Variants in PPIL4 observed in about 807,000 individuals in gnomAD.
PPIL4 encodes peptidylprolyl isomerase like 4, also known as peptidyl-prolyl cis-trans isomerase-like 4.
PPIL4 carries 50 observed loss-of-function variants against 69.1 expected under a neutral mutation model. The ratio of observed to expected loss-of-function variants is 0.72; its 90% CI spans 0.58 to 0.92. The LOEUF (loss-of-function observed/expected upper bound fraction) is 0.92. Among genes scored for constraint, PPIL4 ranks in the 40% least tolerant of loss-of-function variants. The pLI, the probability that PPIL4 is intolerant of heterozygous loss-of-function variation, is 0.00. For missense variants in PPIL4, 480 were observed against 587.9 expected (o/e 0.82, Z 1.90); for synonymous variants, 193 against 191.6 (o/e 1.01, Z -0.06).
At chr6:149,532,097 G>A (rs1386340066) in intron 7 of PPIL4, among the ~76,000 whole-genome samples, 1 of 152,134 alleles carries the variant, frequency 6.6e-6, no homozygotes, top group African/African-American at 2.4e-5. Context: ...GAGGTAAAGG[G>A]AAATAACAGG....
Position 149,544,639 on chromosome 6 carries a change from A to G in PPIL4, c.70+1297T>C. On this transcript the variant is annotated intron_variant, in intron 1 of 12. Transcript: ENST00000253329. ...AGGTAACTCTGCTTAGAAAGGAGGG[A>G]GAGCTTCAAAGAAGAGATGATGCTT... Among the ~76,000 whole-genome samples, 2 of 152,224 alleles carry G rather than the reference A, an allele frequency of 1.3e-5. 1 individual carries two copies. Among genetic ancestry groups the G allele is most frequent in the Non-Finnish European group, 2.9e-5 (2 of 68,032 alleles).
chr6:149,522,942 C>T (rs890832919), intron 9 of PPIL4, among the ~76,000 whole-genome samples: 2 of 152,070 alleles, frequency 1.3e-5, no homozygotes, highest in African/African-American at 2.4e-5. Flanking sequence ...GGTGCTGTCA[C>T]GTGGCAATCC....
At chr6:149,528,344 G>A (rs905408816) in intron 7 of PPIL4, among the ~76,000 whole-genome samples, 12 of 152,060 alleles carry the variant, frequency 7.9e-5, no homozygotes, top group African/African-American at 2.7e-4. Flanking sequence ...AAGCACAAAC[G>A]AGAAAAAAAG....
In PPIL4 at chr6:149,527,636, TCTCC is replaced by T. The variant is rs1777127318; in HGVS notation, c.679-864_679-861del. ...AGAACTAAAATGTCACCTATCCCATTCTCCCTGTGCCTCCTCATCAGAGACAACA... is the reference window on the plus strand; with the variant it reads ...AGAACTAAAATGTCACCTATCCCATTCTGTGCCTCCTCATCAGAGACAACA... On this transcript the variant is annotated intron_variant, in intron 7 of 12. Transcript: ENST00000253329. Among the ~76,000 whole-genome samples, 3 of 152,354 alleles carry T rather than the reference TCTCC, an allele frequency of 2.0e-5. No homozygotes were observed. The South Asian group carries it at 6.2e-4, about 32-fold the overall frequency.
At position 149,541,521 on chromosome 6, in the gene PPIL4, G is replaced by T; in HGVS notation, c.136C>A (p.Gln46Lys). The T allele has an allele frequency of 6.4e-7, 1 of 1,569,060 alleles. No individual in the cohort carries two copies. The highest frequency in any genetic ancestry group is 8.8e-7 in the Non-Finnish European group (1 of 1,139,982). Residue 46 changes from glutamine to lysine, a missense_variant and splice_region_variant, in exon 2 of 13, where the codon CAG (glutamine) becomes AAG (lysine). By Grantham distance (53) the Gln-to-Lys change is moderately conservative. Transcript: ENST00000253329. ...ATGACTAATATCTACCAACTCACCT[G>T]TACATTGTGAATAAGGCAATAATTG... ...YYNYCLIHNV[Q>K]RDFIIQTGDP...
intron 12 of PPIL4, among the ~76,000 whole-genome samples, chr6:149,506,850 G>A (rs910781498): frequency 1.3e-5 from 2 of 151,986 alleles, no homozygotes; most frequent in Admixed American, 6.6e-5. Flanking sequence ...CTCCCACCTC[G>A]GCCTCCCAAA....
At chr6:149,526,809 T>C (rs184504283) in intron 7 of PPIL4, 33 bp from the exon 8 acceptor site, 1 of 1,602,098 alleles carries the variant, frequency 6.2e-7, no homozygotes, top group Admixed American at 1.7e-5. Flanking sequence ...CATAAATCAA[T>C]TCCTATTTAG....
intron 10 of PPIL4, among the ~76,000 whole-genome samples, chr6:149,520,237 G>T (rs1183235047): frequency 6.6e-6 from 1 of 151,836 alleles, no homozygotes; most frequent in Non-Finnish European, 1.5e-5. Context: ...ATATATATAT[G>T]CACATATGTA....
At position 149,510,856 on chromosome 6, in the gene PPIL4, T is replaced by TA. The variant is rs879359374; in HGVS notation, c.1227+1298dup. On this transcript the variant is annotated intron_variant, in intron 12 of 12. Transcript: ENST00000253329. ...AAAACTAGTAATTTGCTTTAACAGT[T>TA]AAAAAAAAAAAGTAGTAACAATAAT... is the stretch of plus-strand genomic sequence containing the variant. Among the ~76,000 whole-genome samples, 1,406 of 147,128 alleles carry TA rather than the reference T, an allele frequency of 9.6e-3. 25 individuals carry two copies. The highest frequency in any genetic ancestry group is 0.032 in the African/African-American group (1,305 of 40,438).
In PPIL4 at chr6:149,542,736, G is replaced by A. The variant is rs563302644; in HGVS notation, c.71-1150C>T. Among the ~76,000 whole-genome samples the A allele has an allele frequency of 3.3e-5, 5 of 152,310 alleles. No individual in the cohort carries two copies. In the South Asian group the frequency reaches 1.0e-3, roughly 32 times the overall value. On this transcript the variant is annotated intron_variant, in intron 1 of 12. Coordinates refer to ENST00000253329, the MANE Select transcript of PPIL4 (RefSeq NM_139126.4). ...TTAGAAAACCTCAGGGAAGGTTAAG[G>A]CAAGCATTAAAAGAACTGGACTAGC...
Sources: gnomAD v4.1 joint callset for allele counts (sites outside exome capture counted in the v4.1 genomes callset) on GRCh38, gnomAD v4.1.1 for gene constraint, MANE v1.5 for transcripts, NCBI Gene and HGNC (gene_info 2026-07-23, HGNC 2026-07-21) for gene names.